Variants in DEF6 observed in about 807,000 individuals in gnomAD.
DEF6 encodes differentially expressed in FDCP 6 homolog.
DEF6 carries 32 observed loss-of-function variants against 80.5 expected under a neutral mutation model. The ratio of observed to expected loss-of-function variants is 0.40; its 90% confidence interval spans 0.30 to 0.53. DEF6 has a LOEUF of 0.53. DEF6 is among the 20% of genes least tolerant of loss of function. The pLI, the probability that DEF6 is intolerant of heterozygous loss-of-function variation, is 0.57. For synonymous variants in DEF6, 300 were observed against 337.9 expected, an observed-to-expected ratio of 0.89 and a Z score of 1.23; for missense variants, 575 against 818.7, an observed-to-expected ratio of 0.70 and a Z score of 3.63.
chr6:35,321,375 C>G lies in DEF6; in HGVS notation c.1861C>G (p.Gln621Glu), dbSNP rs144407329. Residue 621 changes from glutamine to glutamate, a missense_variant, in exon 11 of 11, where the codon CAG becomes GAG. By Grantham distance (29) the Gln-to-Glu change is conservative. Transcript: ENST00000316637. ...GGCTCCTGCCCCGGCTTCCACCCCT[C>G]AGGAAGATAAACTGGATCCAGCACC... is the stretch of plus-strand genomic sequence containing the variant. Reference protein sequence around the residue: ...DEAPAPASTPQEDKLDPAPEN With the variant: ...DEAPAPASTPEEDKLDPAPEN 1 of 1,614,096 alleles carries G rather than the reference C, an allele frequency of 6.2e-7. No homozygotes were observed.
chr6:35,317,980 G>A lies in DEF6; in HGVS notation c.897G>A (p.Gln299=). Residue 299 remains glutamine, a synonymous_variant, in exon 6 of 11, where the codon CAG becomes CAA. Transcript: ENST00000316637. ...AGATGAGCGCCTCAGACACGCGCCA[G>A]CGCCAGGAGTGGACAGCTGGTGAGT... ...TYEMSASDTR[Q]RQEWTAAIQM... 1 of 1,613,846 alleles carries A rather than the reference G, an allele frequency of 6.2e-7. No individual in the cohort carries two copies. The highest frequency in any genetic ancestry group is 8.5e-7 in the Non-Finnish European group (1 of 1,179,934).
intron 10 of DEF6, 68 bp downstream of exon 10, chr6:35,321,042 C>G: frequency 3.2e-6 from 5 of 1,583,332 alleles, no homozygotes; most frequent in Non-Finnish European, 4.3e-6. Flanking sequence ...AAAGGTCTCC[C>G]TGGGAGACCT....
rs200354771 is a variant in DEF6, at chr6:35,317,995, A to C, written c.912A>C (p.Thr304=). The change falls in exon 6 of 11, where the codon ACA becomes ACC. Residue 304 remains threonine (T), a synonymous_variant. Transcript: ENST00000316637. ...ASDTRQRQEW[T]AAIQMAIRLQ... ...ACACGCGCCAGCGCCAGGAGTGGAC[A>C]GCTGGTGAGTGCTCGCTAGGTGGCT... The C allele has an allele frequency of 6.2e-7, 1 of 1,613,068 alleles. No homozygotes were observed. The highest frequency in any genetic ancestry group is 2.2e-5 in the East Asian group (1 of 44,836).
At chr6:35,310,671 T>G in intron 3 of DEF6, 27 bp downstream of exon 3, 1 of 1,613,518 alleles carries the variant, frequency 6.2e-7, no homozygotes, top group Non-Finnish European at 8.5e-7. Context: ...CCCCAGGGAC[T>G]GAATCACTTG....
rs1162044505 is a variant in DEF6, at chr6:35,297,875, C to G, written c.19C>G (p.Leu7Val). 1 of 1,605,348 alleles carries G rather than the reference C, an allele frequency of 6.2e-7. No individual in the cohort carries two copies. Among genetic ancestry groups the G allele is most frequent in the Non-Finnish European group, 8.5e-7 (1 of 1,176,658 alleles). Reference sequence around the variant, plus strand: ...CTCAGCCATGGCCCTGCGCAAGGAACTGCTCAAGTCCATCTGGTACGCCTT... The same window carrying G: ...CTCAGCCATGGCCCTGCGCAAGGAAGTGCTCAAGTCCATCTGGTACGCCTT... MALRKE[L>V]LKSIWYAFTA... The change falls in exon 1 of 11, where the codon CTG becomes GTG. Residue 7 changes from leucine to valine, a missense_variant. Coordinates refer to ENST00000316637, the MANE Select transcript of DEF6 (RefSeq NM_022047.4).
Position 35,318,460 on chromosome 6 carries a change from G to C in DEF6, c.1204G>C (p.Glu402Gln). Residue 402 changes from glutamate (E) to glutamine (Q), a missense_variant, in exon 7 of 11, where the codon GAG becomes CAG. Coordinates refer to ENST00000316637, the MANE Select transcript of DEF6 (RefSeq NM_022047.4). The surrounding 1 kb of genome is among the most constrained non-coding windows in gnomAD (Gnocchi z 5.1). The part of the protein sequence containing the change: ...LQQALEGQLR[E>Q]AEQARASMQA... ...GCAGGCGCTCGAGGGCCAACTGCGC[G>C]AGGCGGAGCAGGTGGGGTTAGCTCC... 2 of 1,442,080 alleles carry C rather than the reference G, an allele frequency of 1.4e-6. No homozygotes were observed. The highest frequency in any genetic ancestry group is 1.8e-6 in the Non-Finnish European group (2 of 1,106,134). 89.3% of individuals were successfully genotyped at this position (1,442,080 alleles called of 1,614,324 possible).
intron 10 of DEF6, 29 bp downstream of exon 10, chr6:35,321,003 C>T (rs1463400593): frequency 1.2e-6 from 2 of 1,609,638 alleles, no homozygotes; most frequent in Admixed American, 3.3e-5. Flanking sequence ...TGGAGCTTTC[C>T]CTGGAGCTGG....
chr6:35,299,373 C>A (rs1461733826), intron 1 of DEF6, among the ~76,000 whole-genome samples: 1 of 152,158 alleles, frequency 6.6e-6, no homozygotes, highest in Non-Finnish European at 1.5e-5. Flanking sequence ...CAGACAATAC[C>A]AGCCCCCGTG....
intron 1 of DEF6, among the ~76,000 whole-genome samples, chr6:35,306,792 A>G (rs551328506): frequency 3.3e-5 from 5 of 152,368 alleles, no homozygotes; most frequent in African/African-American, 1.2e-4. Flanking sequence ...AAACATAACA[A>G]AGATCACCCA....
chr6:35,317,323 G>A (rs1280220953), intron 5 of DEF6, among the ~76,000 whole-genome samples: 1 of 152,210 alleles, frequency 6.6e-6, no homozygotes, highest in Non-Finnish European at 1.5e-5. Flanking sequence ...AATAATGCCT[G>A]CCTGGCAAAG....
At chr6:35,299,195 C>T (rs57468283) in intron 1 of DEF6, among the ~76,000 whole-genome samples, 5,831 of 152,256 alleles carry the variant, frequency 0.038, 174 homozygotes, top group African/African-American at 0.086. Context: ...GGGAGAACCT[C>T]CTAACAGGCA....
At chr6:35,306,616 T>C (rs1022895174) in intron 1 of DEF6, among the ~76,000 whole-genome samples, 9 of 152,262 alleles carry the variant, frequency 5.9e-5, no homozygotes, top group African/African-American at 2.2e-4. Flanking sequence ...ATAAACAGGT[T>C]GAACCATATG....
At position 35,319,449 on chromosome 6, in the gene DEF6, G is replaced by A. The variant is rs574776555; in HGVS notation, c.1216-75G>A. 10 of 1,097,948 alleles carry A rather than the reference G, an allele frequency of 9.1e-6. No homozygotes were observed. In the East Asian group the frequency reaches 1.7e-4, roughly 19 times the overall value. 68.0% of individuals were successfully genotyped at this position (1,097,948 alleles called of 1,614,324 possible). ...TCACCCCTAGGCAGCTTAGCAACATGCCCACCCCCTCCTCCTCCGCCCCCA... is the reference window on the plus strand; with the variant it reads ...TCACCCCTAGGCAGCTTAGCAACATACCCACCCCCTCCTCCTCCGCCCCCA... On this transcript the variant is annotated intron_variant, in intron 7 of 10. Coordinates refer to ENST00000316637, the MANE Select transcript of DEF6 (RefSeq NM_022047.4). This position sits in a 1 kb window ranked among gnomAD's most constrained non-coding sequence, Gnocchi z 4.5.
At chr6:35,298,104 G>A in intron 1 of DEF6, 152 bp downstream of exon 1, 1 of 680,042 alleles carries the variant, frequency 1.5e-6, no homozygotes. Context: ...CTGGGTAACT[G>A]GGCCAACGTA....
Position 35,321,393 on chromosome 6 carries a change from C to T in DEF6, c.1879C>T (p.Pro627Ser). ...CACCCCTCAGGAAGATAAACTGGAT[C>T]CAGCACCAGAAAATTAGCCTCTCTT... The part of the protein sequence containing the change: ...ASTPQEDKLD[P>S]APEN The change falls in exon 11 of 11, where the codon CCA becomes TCA. Residue 627 changes from proline (P) to serine (S), a missense_variant. Physicochemically the swap from Pro to Ser is moderately conservative, Grantham distance 74. Coordinates refer to ENST00000316637, the MANE Select transcript of DEF6 (RefSeq NM_022047.4). The T allele has an allele frequency of 6.2e-7, 1 of 1,613,710 alleles. No homozygotes were observed. The highest frequency in any genetic ancestry group is 8.5e-7 in the Non-Finnish European group (1 of 1,179,650).
At position 35,318,282 on chromosome 6, in the gene DEF6, C is replaced by A; in HGVS notation, c.1026C>A (p.Ala342=). Residue 342 remains alanine (A), a synonymous_variant, in exon 7 of 11, where the codon GCC becomes GCA. Coordinates refer to ENST00000316637, the MANE Select transcript of DEF6 (RefSeq NM_022047.4). The surrounding 1 kb of genome is among the most constrained non-coding windows in gnomAD (Gnocchi z 5.1). ...QREQRERRRA[A]KEEELLRLQQ... ...AGCAGCGGGAGCGGCGCCGGGCGGC[C>A]AAGGAAGAGGAGCTGCTGCGGCTGC... is the stretch of plus-strand genomic sequence containing the variant. 1 of 1,564,160 alleles carries A rather than the reference C, an allele frequency of 6.4e-7. No individual in the cohort carries two copies. The highest frequency in any genetic ancestry group is 1.9e-5 in the Admixed American group (1 of 51,596).
In DEF6 at chr6:35,312,156, C is replaced by T. The variant is rs1466905563; in HGVS notation, c.424-146C>T. ...CTCTCCCAGGTCTTTTCCCTGGCTC[C>T]ATAACATTCGGTCCTCTGGCCCCCT... is the stretch of plus-strand genomic sequence containing the variant. On this transcript the variant is annotated intron_variant, in intron 3 of 10. Coordinates refer to ENST00000316637, the MANE Select transcript of DEF6 (RefSeq NM_022047.4). The surrounding 1 kb of genome is among the most constrained non-coding windows in gnomAD (Gnocchi z 6.6). 1 of 675,524 alleles carries T rather than the reference C, an allele frequency of 1.5e-6. No homozygotes were observed. Among genetic ancestry groups the T allele is most frequent in the Non-Finnish European group, 2.5e-6 (1 of 403,474 alleles). 41.8% of individuals were successfully genotyped at this position (675,524 alleles called of 1,614,324 possible).
At chr6:35,298,621 A>G (rs987363115) in intron 1 of DEF6, among the ~76,000 whole-genome samples, 23 of 152,292 alleles carry the variant, frequency 1.5e-4, no homozygotes, top group African/African-American at 3.4e-4. Flanking sequence ...ATCCCAATCA[A>G]TGATTGTCCT....
rs1454472662 is a variant in DEF6, at chr6:35,321,422, C to T, written c.*12C>T. The T allele has an allele frequency of 1.2e-6, 2 of 1,605,924 alleles. No individual in the cohort carries two copies. On this transcript the variant is annotated 3_prime_UTR_variant, in exon 11 of 11. Coordinates refer to ENST00000316637, the MANE Select transcript of DEF6 (RefSeq NM_022047.4). ...CACCAGAAAATTAGCCTCTCTTAGC[C>T]CCTTGTTCTTCCCAATGTCATATCC...
Sources: gnomAD v4.1 joint callset for allele counts (sites outside exome capture counted in the v4.1 genomes callset) on GRCh38, gnomAD v4.1.1 for gene constraint, Gnocchi (gnomAD v3.1) non-coding constraint, MANE v1.5 for transcripts, NCBI Gene and HGNC (gene_info 2026-07-23, HGNC 2026-07-21) for gene names.